FIGLA: variants seen among roughly 807,000 people sequenced by gnomAD.
FIGLA encodes folliculogenesis specific bHLH transcription factor, also known as factor in the germline alpha.
A neutral mutation model predicts 21.5 loss-of-function variants in FIGLA; 17 were observed. The ratio of observed to expected loss-of-function variants is 0.79; its 90% confidence interval spans 0.54 to 1.19. FIGLA has a LOEUF of 1.19. Among genes scored for constraint, FIGLA ranks in the 50% most tolerant of loss-of-function variants. The pLI, the probability that FIGLA is intolerant of heterozygous loss-of-function variation, is 0.00. For synonymous variants in FIGLA, 129 were observed against 117.6 expected (o/e 1.10, Z -0.63); for missense variants, 282 against 285.0 (o/e 0.99, Z 0.08).
At chr2:70,778,138 CCTTTA>C (rs1237262333) in intron 3 of FIGLA, among the ~76,000 whole-genome samples, 1 of 152,220 alleles carries the variant, frequency 6.6e-6, no homozygotes, top group Non-Finnish European at 1.5e-5. Flanking sequence ...AGTCCACCCT[CCTTTA>C]CATTTCAAAG....
chr2:70,785,062 TA>T (rs1675922106), intron 3 of FIGLA, among the ~76,000 whole-genome samples: 1 of 152,124 alleles, frequency 6.6e-6, no homozygotes, highest in South Asian at 2.1e-4. Context: ...TAGGATCATT[TA>T]AAAGATAAAC....
chr2:70,789,698 G>A (rs920972480), intron 1 of FIGLA, among the ~76,000 whole-genome samples: 10 of 152,250 alleles, frequency 6.6e-5, no homozygotes, highest in African/African-American at 2.2e-4. Flanking sequence ...AACCAAACCC[G>A]TAGACTGCAA....
chr2:70,787,841 A>G (rs781938547), intron 1 of FIGLA, 40 bp from the exon 2 acceptor site: 3 of 1,599,614 alleles, frequency 1.9e-6, no homozygotes, highest in Admixed American at 1.8e-5. Flanking sequence ...AGAGAAGCCA[A>G]TTTGTATAGA....
intron 3 of FIGLA, among the ~76,000 whole-genome samples, chr2:70,780,457 C>T (rs1553388969): frequency 1.3e-5 from 2 of 152,096 alleles, no homozygotes; most frequent in Non-Finnish European, 2.9e-5. Context: ...ATGGAGTCAC[C>T]GCTTCAGGAA....
At chr2:70,784,192 C>T (rs1675905071) in intron 3 of FIGLA, among the ~76,000 whole-genome samples, 1 of 152,064 alleles carries the variant, frequency 6.6e-6, no homozygotes, top group Non-Finnish European at 1.5e-5. Flanking sequence ...GGCCGCCCAC[C>T]ACCTCTCTCC....
At chr2:70,777,440 GAAAT>G (rs1456250310) in intron 4 of FIGLA, 58 bp from the exon 5 acceptor site, 17 of 1,365,290 alleles carry the variant, frequency 1.2e-5, no homozygotes, top group Middle Eastern at 1.9e-4. Flanking sequence ...GTTTACAAAA[GAAAT>G]AAAGAAATAT....
At chr2:70,781,877 G>A (rs972919010) in intron 3 of FIGLA, among the ~76,000 whole-genome samples, 1 of 152,196 alleles carries the variant, frequency 6.6e-6, no homozygotes, top group Non-Finnish European at 1.5e-5. Flanking sequence ...GATTGCAATG[G>A]TGATTCCATG....
chr2:70,787,159 G>A (rs1257307446), intron 2 of FIGLA, among the ~76,000 whole-genome samples: 1 of 152,174 alleles, frequency 6.6e-6, no homozygotes, highest in African/African-American at 2.4e-5. Context: ...CCATGAGACT[G>A]GTATCACCAG....
Position 70,787,700 on chromosome 2 carries a change from A to T in FIGLA, c.333T>A (p.Thr111=), listed in dbSNP as rs782471748. The change falls in exon 2 of 5, where the codon ACT becomes ACA. Residue 111 remains threonine, a synonymous_variant. Coordinates refer to ENST00000332372, the MANE Select transcript of FIGLA (RefSeq NM_001004311.3). ...GATCACTGAGAACCTGTATATATTC[A>T]GTCGCACCTTTAAGGATATCAACTT... ...PSKVDILKGA[T]EYIQVLSDLL... The T allele has an allele frequency of 1.2e-6, 2 of 1,603,490 alleles. No homozygotes were observed. The highest frequency in any genetic ancestry group is 1.7e-6 in the Non-Finnish European group (2 of 1,175,006).
intron 1 of FIGLA, among the ~76,000 whole-genome samples, chr2:70,788,817 G>C (rs1553390418): frequency 6.6e-6 from 1 of 152,166 alleles, no homozygotes; most frequent in Non-Finnish European, 1.5e-5. Flanking sequence ...TGTAAGAAGG[G>C]ATAAAAATTA....
chr2:70,785,725 G>T, intron 2 of FIGLA, 86 bp from the exon 3 acceptor site: 1 of 1,005,334 alleles, frequency 9.9e-7, no homozygotes, highest in South Asian at 1.4e-5. Flanking sequence ...AGTTTTAACT[G>T]ATGAGGTTTC....
At chr2:70,786,294 G>A (rs1309217037) in intron 2 of FIGLA, among the ~76,000 whole-genome samples, 3 of 146,414 alleles carry the variant, frequency 2.0e-5, no homozygotes, top group Non-Finnish European at 3.0e-5. Flanking sequence ...TTCCACTCTC[G>A]GACTTCTAGG....
At chr2:70,784,495 G>A (rs1401488988) in intron 3 of FIGLA, among the ~76,000 whole-genome samples, 1 of 152,156 alleles carries the variant, frequency 6.6e-6, no homozygotes, top group Non-Finnish European at 1.5e-5. Flanking sequence ...TTGCTCAGAT[G>A]GAGAAACTGA....
chr2:70,789,615 C>T (rs1676021106), intron 1 of FIGLA, among the ~76,000 whole-genome samples: 1 of 152,198 alleles, frequency 6.6e-6, no homozygotes, highest in Non-Finnish European at 1.5e-5. Context: ...TCTCCCCAGT[C>T]CCAGTCCTGA....
intron 2 of FIGLA, 103 bp downstream of exon 2, chr2:70,787,546 C>T (rs997315240): frequency 9.9e-6 from 12 of 1,212,818 alleles, no homozygotes; most frequent in Admixed American, 7.6e-5. Flanking sequence ...AGGTTATAAA[C>T]CTTAAGTGGA....
chr2:70,777,727 T>C, intron 3 of FIGLA, 56 bp from the exon 4 acceptor site: 2 of 916,094 alleles, frequency 2.2e-6, no homozygotes, highest in Non-Finnish European at 3.4e-6. Context: ...ATTTGTCACG[T>C]TTAAGAGAAC....
At chr2:70,785,252 C>CA (rs1675925616) in intron 3 of FIGLA, among the ~76,000 whole-genome samples, 163 bp downstream of exon 3, 1 of 152,136 alleles carries the variant, frequency 6.6e-6, no homozygotes, top group Non-Finnish European at 1.5e-5. Context: ...AATTTAGAAA[C>CA]AAAATAATCT....
At chr2:70,784,638 A>G (rs908811883) in intron 3 of FIGLA, among the ~76,000 whole-genome samples, 10 of 152,106 alleles carry the variant, frequency 6.6e-5, no homozygotes, top group Admixed American at 5.9e-4. Flanking sequence ...TCCAACCACC[A>G]TCTGTGACTC....
chr2:70,788,961 G>A lies in FIGLA; in HGVS notation c.232-1160C>T, dbSNP rs535170045. ...TCAGACACGCACATAGAGTTACACCGATAGGTACCGGTAAAAAGCTACAAA... is the reference window on the plus strand; with the variant it reads ...TCAGACACGCACATAGAGTTACACCAATAGGTACCGGTAAAAAGCTACAAA... On this transcript the variant is annotated intron_variant, in intron 1 of 4. Transcript: ENST00000332372. 9.2e-5 allele frequency among the ~76,000 whole-genome samples: 14 copies of A among 152,244 alleles called. No individual in the cohort carries two copies. The East Asian group carries it at 1.5e-3, about 17-fold the overall frequency.
Sources: allele counts gnomAD v4.1 joint callset (sites outside exome capture counted in the v4.1 genomes callset), GRCh38; gene constraint gnomAD v4.1.1; transcripts MANE v1.5; gene names NCBI Gene and HGNC (gene_info 2026-07-23, HGNC 2026-07-21).